The following LYRM4 variants were observed in gnomAD, a reference collection of about 807,000 sequenced individuals.
LYRM4 encodes LYR motif containing 4, also known as LYR motif-containing protein 4.
LYRM4 carries 9 observed loss-of-function variants against 11.7 expected under a neutral mutation model. That is an observed-to-expected ratio of 0.77 (90% CI 0.46 to 1.34). The LOEUF is 1.34. Ranked by LOEUF, LYRM4 falls within the 40% of genes most tolerant of loss-of-function variation. LYRM4 has a pLI of 0.00. For missense variants in LYRM4, 133 were observed against 112.5 expected (o/e 1.18, Z -0.82); for synonymous variants, 42 against 40.4 (o/e 1.04, Z -0.15).
chr6:5,036,322 T>A, the LYRM4 span, among the ~76,000 whole-genome samples: 1 of 152,196 alleles, frequency 6.6e-6, no homozygotes, highest in Non-Finnish European at 1.5e-5. Flanking sequence ...AATTAGGCTC[T>A]TCCAGGTTAG....
chr6:5,208,331 C>G (rs1561871604), intron 2 of LYRM4, among the ~76,000 whole-genome samples: 1 of 152,152 alleles, frequency 6.6e-6, no homozygotes. Flanking sequence ...CCTGTGAGAC[C>G]AATGTGCTTT....
At chr6:5,158,446 C>T (rs1758547579) in intron 2 of LYRM4, among the ~76,000 whole-genome samples, 1 of 144,782 alleles carries the variant, frequency 6.9e-6, no homozygotes, top group South Asian at 2.3e-4. Flanking sequence ...TTTCTCTGGT[C>T]TGCAGGTTTA....
chr6:5,224,052 G>A (rs1422579323), intron 1 of LYRM4, among the ~76,000 whole-genome samples: 1 of 152,178 alleles, frequency 6.6e-6, no homozygotes, highest in Admixed American at 6.5e-5. Flanking sequence ...CAGTCTCCCT[G>A]GTTTTCTCTC....
chr6:5,248,339 C>T (rs1033445316), intron 1 of LYRM4, among the ~76,000 whole-genome samples: 8 of 152,254 alleles, frequency 5.3e-5, no homozygotes, highest in African/African-American at 1.7e-4. Flanking sequence ...GGGCAATGGC[C>T]TCCTGACTGG....
chr6:5,049,268 C>T, the LYRM4 span, among the ~76,000 whole-genome samples: 2 of 152,192 alleles, frequency 1.3e-5, no homozygotes, highest in Non-Finnish European at 2.9e-5. Context: ...TACCACCACC[C>T]AAATTGAGAG....
intron 2 of LYRM4, among the ~76,000 whole-genome samples, chr6:5,119,815 A>AC (rs1763333348): frequency 4.0e-5 from 6 of 151,486 alleles, no homozygotes; most frequent in African/African-American, 1.5e-4. Flanking sequence ...AAAAAAAAAA[A>AC]AAAAACAACC....
chr6:5,109,409 T>C lies in LYRM4; in HGVS notation c.*14A>G. On this transcript the variant is annotated 3_prime_UTR_variant, in exon 3 of 3. Transcript: ENST00000330636. ...GTGGTCCCTGGCCGCCACTGGTGGC[T>C]GGTCCCCGGCTTGCTAGGTCCTGGG... 6.2e-7 allele frequency: 1 copy of C among 1,613,894 alleles called. No homozygotes were observed.
intron 1 of LYRM4, among the ~76,000 whole-genome samples, chr6:5,222,314 G>A (rs567938273): frequency 4.6e-5 from 7 of 152,142 alleles, no homozygotes; most frequent in African/African-American, 1.7e-4. Flanking sequence ...ATGAAAAAAG[G>A]GTTTGCAGCA....
At chr6:5,043,255 A>ATG in the LYRM4 span, 2 of 152,048 alleles carry the variant, frequency 1.3e-5, no homozygotes, top group African/African-American at 4.8e-5. Flanking sequence ...TTTGAGATAT[A>ATG]TATATATTTC....
chr6:5,149,567 C>T (rs925204890), intron 2 of LYRM4, among the ~76,000 whole-genome samples: 4 of 132,778 alleles, frequency 3.0e-5, no homozygotes, highest in African/African-American at 1.1e-4. Context: ...CCAAAATACT[C>T]TAGAATTAGG....
chr6:5,074,791 A>G, the LYRM4 span, among the ~76,000 whole-genome samples: 1 of 151,958 alleles, frequency 6.6e-6, no homozygotes, highest in Non-Finnish European at 1.5e-5. Context: ...GATGGTGGTG[A>G]TGGTGATGGT....
chr6:5,202,876 T>G (rs1405590987), intron 2 of LYRM4, among the ~76,000 whole-genome samples: 1 of 152,212 alleles, frequency 6.6e-6, no homozygotes, highest in Non-Finnish European at 1.5e-5. Context: ...ATCTAGTCCT[T>G]TATAATTATA....
rs1762786795 is a variant in LYRM4, at chr6:5,109,632, C to A, written c.208-141G>T. The stretch of plus-strand genomic sequence containing the variant: ...CCCTTCCGGCAACTGCACTGCGGGG[C>A]AAAGCCGGCCACTAGAGCACCATCC... On this transcript the variant is annotated intron_variant, in intron 2 of 2. Transcript: ENST00000330636. 3 of 757,278 alleles carry A rather than the reference C, an allele frequency of 4.0e-6. No individual in the cohort carries two copies. In the South Asian group the frequency reaches 5.1e-5, roughly 13 times the overall value. The allele number at this position is 757,278 out of a possible 1,614,324, so 46.9% of individuals were successfully genotyped here. A position where few individuals can be genotyped will look rare whatever the true frequency, so the allele number is the denominator to read the frequency against.
intron 2 of LYRM4, among the ~76,000 whole-genome samples, chr6:5,179,516 C>A (rs2773336): frequency 2.0e-5 from 3 of 151,992 alleles, no homozygotes; most frequent in African/African-American, 7.3e-5. Context: ...ATTGGAATAG[C>A]ACAGTATTTG....
chr6:5,102,602 G>C (rs1172728404), downstream of LYRM4: 1 of 152,242 alleles, frequency 6.6e-6, no homozygotes, highest in Non-Finnish European at 1.5e-5. Flanking sequence ...ATTGGACTAA[G>C]AAAGCTTATC....
At chr6:5,067,555 T>C in the LYRM4 span, among the ~76,000 whole-genome samples, 1 of 152,224 alleles carries the variant, frequency 6.6e-6, no homozygotes, top group African/African-American at 2.4e-5. Flanking sequence ...TCAGTGTCTT[T>C]TGTGACTCAG....
intron 2 of LYRM4, among the ~76,000 whole-genome samples, chr6:5,141,077 T>C (rs961474896): frequency 2.0e-5 from 3 of 152,246 alleles, no homozygotes; most frequent in African/African-American, 7.2e-5. Flanking sequence ...GTTTTCATGT[T>C]TGAAAAACTA....
the LYRM4 span, among the ~76,000 whole-genome samples, chr6:5,080,701 G>C: frequency 6.6e-6 from 1 of 152,200 alleles, no homozygotes; most frequent in Non-Finnish European, 1.5e-5. Flanking sequence ...TGAGGGGTTT[G>C]AGAATGCTAC....
intron 1 of LYRM4, among the ~76,000 whole-genome samples, chr6:5,243,948 C>A (rs542241017): frequency 1.3e-5 from 2 of 152,336 alleles, no homozygotes; most frequent in African/African-American, 4.8e-5. Flanking sequence ...TCTGGGGTAA[C>A]TTTTCCTTAC....
Sources: allele counts gnomAD v4.1 joint callset (sites outside exome capture counted in the v4.1 genomes callset), GRCh38; gene constraint gnomAD v4.1.1; transcripts MANE v1.5; gene names NCBI Gene and HGNC (gene_info 2026-07-23, HGNC 2026-07-21).